Variants in C2 observed in about 807,000 individuals in gnomAD.
The protein encoded by C2 is C3/C5 convertase.
C2 carries 64 observed loss-of-function variants against 85.2 expected under a neutral mutation model. The ratio of observed to expected loss-of-function variants is 0.75; its 90% confidence interval spans 0.61 to 0.92. The LOEUF (loss-of-function observed/expected upper bound fraction) is 0.92, where lower values mean the gene tolerates loss of function less well. C2 is among the 40% of genes least tolerant of loss of function. C2 has a pLI of 0.00. For synonymous variants in C2, 311 were observed against 370.8 expected, an observed-to-expected ratio of 0.84 and a Z score of 1.85; for missense variants, 820 against 971.6, an observed-to-expected ratio of 0.84 and a Z score of 2.07.
At position 31,932,096 on chromosome 6, in the gene C2, G is replaced by C. The variant is rs1475297852; in HGVS notation, c.443-1514G>C. ...AGAGGCGCCCCTCACTTCCCGGATGGGGCGGCTGGCCGGGCGAGGGGCTGA... is the reference window on the plus strand; with the variant it reads ...AGAGGCGCCCCTCACTTCCCGGATGCGGCGGCTGGCCGGGCGAGGGGCTGA... On this transcript the variant is annotated intron_variant, in intron 3 of 17. Coordinates refer to ENST00000299367, the MANE Select transcript of C2 (RefSeq NM_000063.6). Among the ~76,000 whole-genome samples, 5 of 131,632 alleles carry C rather than the reference G, an allele frequency of 3.8e-5. 1 individual carries two copies. The East Asian group carries it at 1.1e-3, about 29-fold the overall frequency. 86.4% of individuals were successfully genotyped at this position (131,632 alleles called of 152,430 possible). A position where few individuals can be genotyped will look rare whatever the true frequency, so the allele number is the denominator to read the frequency against.
rs1221089174 is a variant in C2 at position 31,927,857 on chromosome 6, T to G, written c.46+59T>G. ...TGTGTGTGAGGTTGGTGCTCCCAGCTTGAATTCCCATGTGTGAAACAGTCT... is the reference window on the plus strand; with the variant it reads ...TGTGTGTGAGGTTGGTGCTCCCAGCGTGAATTCCCATGTGTGAAACAGTCT... On this transcript the variant is annotated intron_variant, in intron 1 of 17. Coordinates refer to ENST00000299367, the MANE Select transcript of C2 (RefSeq NM_000063.6). This position sits in a 1 kb window ranked among gnomAD's most constrained non-coding sequence, Gnocchi z 4.7. 2.5e-6 allele frequency: 4 copies of G among 1,593,060 alleles called. No homozygotes were observed. The African/African-American group carries it at 5.4e-5, about 21-fold the overall frequency.
Position 31,943,507 on chromosome 6 carries a change from C to T in C2, c.1547C>T (p.Ser516Phe). ...AHCFRDGNDH[S>F]LWRVNVGDPK... The stretch of plus-strand genomic sequence containing the variant: ...TGCTTCCGCGATGGCAACGACCACT[C>T]CCTGTGGAGGGTCAATGTGGGTAAG... Residue 516 changes from serine (S) to phenylalanine (F), a missense_variant, in exon 12 of 18, where the codon TCC becomes TTC. By Grantham distance (155) the Ser-to-Phe change is radical (BLOSUM62 -2). Coordinates refer to ENST00000299367, the MANE Select transcript of C2 (RefSeq NM_000063.6). The surrounding 1 kb of genome is among the most constrained non-coding windows in gnomAD (Gnocchi z 6.4). 3 of 1,612,980 alleles carry T rather than the reference C, an allele frequency of 1.9e-6. No homozygotes were observed. Among genetic ancestry groups the T allele is most frequent in the Non-Finnish European group, 2.5e-6 (3 of 1,179,976 alleles).
At position 31,907,841 on chromosome 6, in the gene C2, C is replaced by CTTTTT. The variant is rs9281622; in HGVS notation, c.73+6720_73+6724dup. On this transcript the variant is annotated intron_variant, in intron 1 of 3. Coordinates refer to the C2 transcript ENST00000452202. Reference sequence around the variant, plus strand: ...TACAGGCGTGCGCTACCACTTCTGGCTTTTTTTTTTTTTTTTTTTTTTGAG... The same window carrying CTTTTT: ...TACAGGCGTGCGCTACCACTTCTGGCTTTTTTTTTTTTTTTTTTTTTTTTTTTGAG... Among the ~76,000 whole-genome samples, 166 of 67,952 alleles carry CTTTTT rather than the reference C, an allele frequency of 2.4e-3. 8 individuals carry two copies. The highest frequency in any genetic ancestry group is 0.016 in the Middle Eastern group (1 of 64). 44.6% of individuals were successfully genotyped at this position (67,952 alleles called of 152,430 possible).
At chr6:31,914,600 AAAG>A (rs1202451085) in intron 1 of C2, among the ~76,000 whole-genome samples, 2 of 142,618 alleles carry the variant, frequency 1.4e-5, no homozygotes, top group South Asian at 2.2e-4. Flanking sequence ...CAAAAAAAAA[AAAG>A]AAGACTATAG....
Position 31,933,792 on chromosome 6 carries a change from C to T in C2, c.616+9C>T, listed in dbSNP as rs1313369975. The T allele has an allele frequency of 1.9e-6, 3 of 1,613,790 alleles. No individual in the cohort carries two copies. Among genetic ancestry groups the T allele is most frequent in the Non-Finnish European group, 2.5e-6 (3 of 1,180,014 alleles). ...GGAGCCCATCTGCCGCCGTGAGTAG[C>T]TGCCCTGCCCTCCTGAGATTCCTCG... On this transcript the variant is annotated intron_variant, in intron 4 of 17. Coordinates refer to ENST00000299367, the MANE Select transcript of C2 (RefSeq NM_000063.6).
upstream of C2, among the ~76,000 whole-genome samples, chr6:31,916,762 T>A (rs1406342226): frequency 2.9e-4 from 44 of 150,170 alleles, no homozygotes; most frequent in Admixed American, 7.3e-4. Context: ...TTTTTTTTTT[T>A]TTTTTTGAGA....
rs747254167 is a variant in C2, at chr6:31,943,397, A to G, written c.1456-19A>G. Reference sequence around the variant, plus strand: ...GCCAGACATACTGCAATCTCTGAAAATCACCTGTTCCCCTGCAGCCCAAGA... The same window carrying G: ...GCCAGACATACTGCAATCTCTGAAAGTCACCTGTTCCCCTGCAGCCCAAGA... On this transcript the variant is annotated intron_variant, in intron 11 of 17. Transcript: ENST00000299367. This position sits in a 1 kb window ranked among gnomAD's most constrained non-coding sequence, Gnocchi z 6.4. The G allele has an allele frequency of 2.5e-6, 4 of 1,612,062 alleles. No homozygotes were observed. In the East Asian group the frequency reaches 6.7e-5, roughly 27 times the overall value.
chr6:31,928,489 A>G (rs1433272327), intron 2 of C2, among the ~76,000 whole-genome samples: 1 of 152,122 alleles, frequency 6.6e-6, no homozygotes, highest in East Asian at 1.9e-4. Context: ...TGGGGAGGCC[A>G]CGGCCCTCAG....
chr6:31,938,454 A>G (rs1770600327), intron 8 of C2, among the ~76,000 whole-genome samples: 1 of 136,370 alleles, frequency 7.3e-6, no homozygotes, highest in African/African-American at 3.0e-5. Context: ...ATATATATGT[A>G]TGTATATATA....
upstream of C2, chr6:31,900,298 G>C (rs9267664): frequency 0.045 from 72,024 of 1,612,614 alleles, 2,728 homozygotes; most frequent in African/African-American, 0.15. This position sits in a 1 kb window ranked among gnomAD's most constrained non-coding sequence, Gnocchi z 9.7. Flanking sequence ...CCGGGCACTT[G>C]GTGCACTTGA....
chr6:31,900,780 G>A, upstream of C2: 2 of 1,592,532 alleles, frequency 1.3e-6, no homozygotes, highest in Non-Finnish European at 1.7e-6. This position sits in a 1 kb window ranked among gnomAD's most constrained non-coding sequence, Gnocchi z 9.7. Flanking sequence ...GGCCGCAGGA[G>A]TGGAGGGGGT....
At position 31,943,811 on chromosome 6, in the gene C2, T is replaced by C. The variant is rs111298136; in HGVS notation, c.1733+2T>C. 1 of 1,612,962 alleles carries C rather than the reference T, an allele frequency of 6.2e-7. No individual in the cohort carries two copies. The highest frequency in any genetic ancestry group is 8.5e-7 in the Non-Finnish European group (1 of 1,179,974). On this transcript the variant is annotated splice_donor_variant, in intron 13 of 17. Coordinates refer to ENST00000299367, the MANE Select transcript of C2 (RefSeq NM_000063.6). LOFTEE classifies it high-confidence loss of function. This position sits in a 1 kb window ranked among gnomAD's most constrained non-coding sequence, Gnocchi z 6.4. The stretch of plus-strand genomic sequence containing the variant: ...AGTAAAGATGTCCACCCATGCCAGG[T>C]GCCTGGAGTCTGGGATGGGAGGGTG...
chr6:31,912,156 C>A (rs901245587), intron 1 of C2, among the ~76,000 whole-genome samples: 8 of 152,144 alleles, frequency 5.3e-5, no homozygotes, highest in Non-Finnish European at 7.4e-5. Context: ...TCCACATATT[C>A]GTAAGAGTGG....
intron 1 of C2, among the ~76,000 whole-genome samples, chr6:31,909,992 T>C (rs1186842028): frequency 6.6e-6 from 1 of 151,630 alleles, no homozygotes; most frequent in African/African-American, 2.4e-5. Flanking sequence ...GGGATTCTCC[T>C]GCCTCAGCCT....
intron 8 of C2, among the ~76,000 whole-genome samples, chr6:31,938,249 A>G (rs933697002): frequency 6.6e-6 from 1 of 151,976 alleles, no homozygotes; most frequent in Admixed American, 6.6e-5. Context: ...GGATGCAAGG[A>G]ACAGTCTGTA....
Position 31,938,456 on chromosome 6 carries a change from G to GTATA in C2, c.1130-763_1130-760dup, listed in dbSNP as rs5875341. Among the ~76,000 whole-genome samples the GTATA allele has an allele frequency of 5.2e-3, 745 of 144,250 alleles. 1 individual carries two copies. Among genetic ancestry groups the GTATA allele is most frequent in the Non-Finnish European group, 7.3e-3 (485 of 66,076 alleles). 94.6% of individuals were successfully genotyped at this position (144,250 alleles called of 152,430 possible). A position where few individuals can be genotyped will look rare whatever the true frequency, so the allele number is the denominator to read the frequency against. On this transcript the variant is annotated intron_variant, in intron 8 of 17. Transcript: ENST00000299367. ...AAAGTGTGTATATATATATATGTATGTATATATATATATATGTATACATAC... is the reference window on the plus strand; with the variant it reads ...AAAGTGTGTATATATATATATGTATGTATATATATATATATATATGTATACATAC...
chr6:31,926,610 G>A (rs1426210769), upstream of C2, among the ~76,000 whole-genome samples: 3 of 151,562 alleles, frequency 2.0e-5, no homozygotes. Flanking sequence ...GGGATTACAG[G>A]CGTGAGTCAC....
At chr6:31,910,693 T>G (rs1003833925) in intron 1 of C2, among the ~76,000 whole-genome samples, 13 of 151,972 alleles carry the variant, frequency 8.6e-5, no homozygotes, top group Non-Finnish European at 1.9e-4. Flanking sequence ...TAAAAATGAA[T>G]CATGAGCCCA....
chr6:31,932,838 G>A (rs926047984), intron 3 of C2, among the ~76,000 whole-genome samples: 3 of 152,284 alleles, frequency 2.0e-5, no homozygotes, highest in Non-Finnish European at 4.4e-5. Context: ...TGAGCACTGA[G>A]TGAACGAGAC....
Sources: allele counts gnomAD v4.1 joint callset (sites outside exome capture counted in the v4.1 genomes callset), GRCh38; gene constraint gnomAD v4.1.1; non-coding constraint Gnocchi (gnomAD v3.1); transcripts MANE v1.5; gene names NCBI Gene and HGNC (gene_info 2026-07-23, HGNC 2026-07-21).